The following PTH2R variants were observed in gnomAD, a reference collection of about 807,000 sequenced individuals.
PTH2R encodes PTH2 receptor.
A neutral mutation model predicts 60.3 loss-of-function variants in PTH2R; 59 were observed. That is an observed-to-expected ratio of 0.98 (90% CI 0.79 to 1.22). The LOEUF (loss-of-function observed/expected upper bound fraction) is 1.22. Among genes scored for constraint, PTH2R ranks in the 50% most tolerant of loss-of-function variants. The pLI is 0.00. For missense variants in PTH2R, 749 were observed against 682.6 expected (o/e 1.10, Z -1.08); for synonymous variants, 256 against 243.8 (o/e 1.05, Z -0.47).
intron 1 of PTH2R, among the ~76,000 whole-genome samples, chr2:208,417,070 G>C (rs547074464): frequency 6.6e-6 from 1 of 152,284 alleles, no homozygotes; most frequent in Admixed American, 6.5e-5. Context: ...AAGAAAAAAA[G>C]AGTTTAGTTT....
chr2:208,416,174 G>T (rs747843964), intron 1 of PTH2R, among the ~76,000 whole-genome samples: 9 of 152,124 alleles, frequency 5.9e-5, no homozygotes, highest in Non-Finnish European at 1.2e-4. Context: ...CATTTTCAAA[G>T]AATTTGAGAA....
At chr2:208,376,920 A>T (rs898454945) in intron 1 of PTH2R, among the ~76,000 whole-genome samples, 3 of 151,072 alleles carry the variant, frequency 2.0e-5, no homozygotes, top group Non-Finnish European at 2.9e-5. Context: ...TTTCTCGCAG[A>T]GGGGGATTTG....
At position 208,442,814 on chromosome 2, in the gene PTH2R, A is replaced by G. The variant is rs114347310; in HGVS notation, c.509+353A>G. On this transcript the variant is annotated intron_variant, in intron 5 of 12. Coordinates refer to ENST00000272847, the MANE Select transcript of PTH2R (RefSeq NM_005048.4). ...CTCCCAAATTATTGGATACCAGCACATAAAGAAATAGTATTTATTGCTTTT... is the reference window on the plus strand; with the variant it reads ...CTCCCAAATTATTGGATACCAGCACGTAAAGAAATAGTATTTATTGCTTTT... Among the ~76,000 whole-genome samples, 356 of 152,338 alleles carry G rather than the reference A, an allele frequency of 2.3e-3. 2 individuals carry two copies. The highest frequency in any genetic ancestry group is 8.2e-3 in the African/African-American group (342 of 41,574).
intron 1 of PTH2R, among the ~76,000 whole-genome samples, chr2:208,384,707 A>G (rs1700973858): frequency 6.6e-6 from 1 of 152,242 alleles, no homozygotes; most frequent in Admixed American, 6.5e-5. Flanking sequence ...GATAACTTCA[A>G]AAGGAGAAAT....
At chr2:208,434,025 T>C (rs1574868646) in intron 2 of PTH2R, among the ~76,000 whole-genome samples, 1 of 152,322 alleles carries the variant, frequency 6.6e-6, no homozygotes, top group East Asian at 1.9e-4. Context: ...TTAAGACCTC[T>C]ATTTTTGGCC....
At chr2:208,441,715 T>C (rs1702187805) in intron 4 of PTH2R, among the ~76,000 whole-genome samples, 1 of 152,192 alleles carries the variant, frequency 6.6e-6, no homozygotes, top group African/African-American at 2.4e-5. Flanking sequence ...GAACTTTGTG[T>C]TGGTGAAATA....
At chr2:208,405,889 A>G (rs1379069060), upstream of PTH2R, among the ~76,000 whole-genome samples, 3 of 152,194 alleles carry the variant, frequency 2.0e-5, no homozygotes, top group East Asian at 1.9e-4. Flanking sequence ...GCAGTGGTCA[A>G]TGAGGAAGCG....
chr2:208,371,547 G>A lies in PTH2R; in HGVS notation c.-259+11310G>A, dbSNP rs945459384. Among the ~76,000 whole-genome samples the A allele has an allele frequency of 1.4e-4, 22 of 152,020 alleles. 1 individual carries two copies. Among genetic ancestry groups the A allele is most frequent in the African/African-American group, 5.3e-4 (22 of 41,338 alleles). On this transcript the variant is annotated intron_variant, in intron 1 of 12. Coordinates refer to the PTH2R transcript ENST00000617735. ...CTGTTAATGTATTTTCAACTAATTC[G>A]CAGGCCCTAGACCACTCAGATCTAA...
chr2:208,462,321 A>C (rs752913135), intron 9 of PTH2R, among the ~76,000 whole-genome samples: 6 of 152,240 alleles, frequency 3.9e-5, no homozygotes, highest in Non-Finnish European at 7.3e-5. Flanking sequence ...TATAATGAAA[A>C]GCTCCAAGGT....
chr2:208,420,503 G>T (rs1449655396), intron 1 of PTH2R, among the ~76,000 whole-genome samples: 1 of 151,828 alleles, frequency 6.6e-6, no homozygotes, highest in Non-Finnish European at 1.5e-5. Flanking sequence ...CCTTACTTTA[G>T]CTCAAAATAC....
At chr2:208,376,166 T>C (rs1360096029) in intron 1 of PTH2R, among the ~76,000 whole-genome samples, 1 of 152,148 alleles carries the variant, frequency 6.6e-6, no homozygotes, top group Non-Finnish European at 1.5e-5. Context: ...AGCCTCGTGG[T>C]ATTTCTGTGT....
intron 1 of PTH2R, among the ~76,000 whole-genome samples, chr2:208,389,114 A>G (rs1410715958): frequency 6.6e-6 from 1 of 152,178 alleles, no homozygotes; most frequent in Non-Finnish European, 1.5e-5. Flanking sequence ...AGAGAGTATT[A>G]CACAGTCAAG....
intron 7 of PTH2R, among the ~76,000 whole-genome samples, chr2:208,446,742 C>T (rs1022044569): frequency 2.0e-5 from 3 of 152,178 alleles, no homozygotes; most frequent in Admixed American, 6.5e-5. Context: ...GAATGAAGTA[C>T]ATATCAAAAT....
chr2:208,406,359 C>T (rs1221588151), upstream of PTH2R, among the ~76,000 whole-genome samples: 2 of 151,962 alleles, frequency 1.3e-5, no homozygotes, highest in Non-Finnish European at 2.9e-5. Context: ...TAACACACAC[C>T]GAGTATTATT....
chr2:208,412,861 C>T (rs1701568124), intron 1 of PTH2R, among the ~76,000 whole-genome samples: 1 of 152,152 alleles, frequency 6.6e-6, no homozygotes, highest in South Asian at 2.1e-4. Context: ...TAGTCTTTGT[C>T]TATGTGCCTA....
At chr2:208,417,357 A>G (rs988701802) in intron 1 of PTH2R, among the ~76,000 whole-genome samples, 1 of 152,168 alleles carries the variant, frequency 6.6e-6, no homozygotes, top group Non-Finnish European at 1.5e-5. Context: ...TATGCCAAAA[A>G]TTGTAACTGG....
Position 208,407,067 on chromosome 2 carries a change from C to T in PTH2R, c.24C>T (p.Leu8=). 1 of 1,394,462 alleles carries T rather than the reference C, an allele frequency of 7.2e-7. No individual in the cohort carries two copies. The highest frequency in any genetic ancestry group is 9.4e-7 in the Non-Finnish European group (1 of 1,067,418). 86.4% of individuals were successfully genotyped at this position (1,394,462 alleles called of 1,614,324 possible). A position where few individuals can be genotyped will look rare whatever the true frequency, so the allele number is the denominator to read the frequency against. The change falls in exon 1 of 13, where the codon CTC becomes CTT. Residue 8 remains leucine, a synonymous_variant. Coordinates refer to ENST00000272847, the MANE Select transcript of PTH2R (RefSeq NM_005048.4). MAGLGAS[L]HVWGWLMLGS... ...GCATGGCCGGGCTGGGGGCGTCGCT[C>T]CACGTCTGGGGTTGGCTAATGCTCG... is the stretch of plus-strand genomic sequence containing the variant.
At chr2:208,479,692 A>G (rs900691513) in intron 9 of PTH2R, among the ~76,000 whole-genome samples, 4 of 152,172 alleles carry the variant, frequency 2.6e-5, no homozygotes, top group African/African-American at 9.7e-5. Context: ...CATGTTTTGC[A>G]TCTTTTTGTC....
chr2:208,407,156 G>T, intron 1 of PTH2R, 38 bp downstream of exon 1: 1 of 1,396,784 alleles, frequency 7.2e-7, no homozygotes. Flanking sequence ...TTTTCGCGGA[G>T]CCTCCGGCGG....
Sources: gnomAD v4.1 joint callset for allele counts (sites outside exome capture counted in the v4.1 genomes callset) on GRCh38, gnomAD v4.1.1 for gene constraint, MANE v1.5 for transcripts, NCBI Gene and HGNC (gene_info 2026-07-23, HGNC 2026-07-21) for gene names.